Variants in NRXN3 observed in about 807,000 individuals in gnomAD.
The protein encoded by NRXN3 is neurexin 3.
A neutral mutation model predicts 137.6 loss-of-function variants in NRXN3; 32 were observed. The observed-to-expected ratio is 0.23, with a 90% CI of 0.18 to 0.31. The LOEUF is 0.31. NRXN3 is among the 10% of genes least tolerant of loss of function. The pLI is 1.00. For synonymous variants in NRXN3, 798 were observed against 784.5 expected (o/e 1.02, Z -0.29); for missense variants, 1,574 against 2,062.5 (o/e 0.76, Z 4.59).
intron 2 of NRXN3, among the ~76,000 whole-genome samples, chr14:78,259,329 C>T (rs1461775780): frequency 6.6e-6 from 1 of 152,130 alleles, no homozygotes; most frequent in African/African-American, 2.4e-5. Flanking sequence ...AAGTGACTTA[C>T]CCAAGATCAG....
intron 19 of NRXN3, among the ~76,000 whole-genome samples, chr14:79,753,404 G>C (rs1037703836): frequency 6.6e-6 from 1 of 151,896 alleles, no homozygotes; most frequent in Non-Finnish European, 1.5e-5. Flanking sequence ...AAAATGATGA[G>C]TTCATGTCCT....
chr14:79,309,251 G>A (rs1439565593), intron 15 of NRXN3, among the ~76,000 whole-genome samples: 1 of 23,638 alleles, frequency 4.2e-5, no homozygotes, highest in Non-Finnish European at 7.8e-5. Flanking sequence ...TCCCTACAAA[G>A]GACATGAACT....
intron 20 of NRXN3, among the ~76,000 whole-genome samples, chr14:79,827,822 G>A (rs1385287919): frequency 1.3e-5 from 2 of 151,836 alleles, no homozygotes; most frequent in African/African-American, 2.4e-5. Flanking sequence ...AGCCTCCCCA[G>A]TAGCTGGGAT....
intron 19 of NRXN3, among the ~76,000 whole-genome samples, chr14:79,750,841 A>AGTAAAAT (rs2098995116): frequency 1.3e-5 from 2 of 152,164 alleles, no homozygotes; most frequent in Admixed American, 1.3e-4. Flanking sequence ...CCCCCCAAAA[A>AGTAAAAT]GTAAAATGTC....
At chr14:78,714,110 T>C (rs995529530) in intron 7 of NRXN3, among the ~76,000 whole-genome samples, 25 of 152,184 alleles carry the variant, frequency 1.6e-4, no homozygotes, top group African/African-American at 5.8e-4. Flanking sequence ...AGTTAAAATG[T>C]GTCACAGGGA....
rs542929241 is a variant in NRXN3, at chr14:78,316,928, C to T, written c.757+19068C>T. The stretch of plus-strand genomic sequence containing the variant: ...TTTGTAAGTGAGAGAGAGTAACACT[C>T]TTCCTTGACTGTATTAGTCAGGGTT... On this transcript the variant is annotated intron_variant, in intron 4 of 20. Transcript: ENST00000335750. Among the ~76,000 whole-genome samples, 27 of 152,294 alleles carry T rather than the reference C, an allele frequency of 1.8e-4. No individual in the cohort carries two copies. In the East Asian group the frequency reaches 5.2e-3, roughly 29 times the overall value.
intron 15 of NRXN3, among the ~76,000 whole-genome samples, chr14:79,151,265 C>T (rs1309614694): frequency 6.6e-6 from 1 of 151,940 alleles, no homozygotes; most frequent in Admixed American, 6.6e-5. Context: ...AATGGTAAAG[C>T]CTCAAGACTT....
intron 15 of NRXN3, among the ~76,000 whole-genome samples, chr14:79,270,297 C>T (rs562072002): frequency 6.6e-6 from 1 of 152,156 alleles, no homozygotes; most frequent in Admixed American, 6.5e-5. Flanking sequence ...TTTGGAGGTT[C>T]CCCCACCACA....
chr14:78,321,921 T>C (rs1185724422), intron 4 of NRXN3, among the ~76,000 whole-genome samples: 2 of 151,938 alleles, frequency 1.3e-5, no homozygotes, highest in African/African-American at 2.4e-5. Context: ...GTTACCTGAG[T>C]GCAGATGAGG....
chr14:79,503,429 A>G (rs78264908), intron 16 of NRXN3, among the ~76,000 whole-genome samples: 2,446 of 152,232 alleles, frequency 0.016, 39 homozygotes, highest in East Asian at 0.062. Flanking sequence ...ACGTACAGGG[A>G]CCGCGTTACC....
intron 16 of NRXN3, among the ~76,000 whole-genome samples, chr14:79,537,262 T>G (rs1343876242): frequency 6.6e-6 from 1 of 152,148 alleles, no homozygotes; most frequent in Non-Finnish European, 1.5e-5. Context: ...ATGTTTTCTT[T>G]TGAGAAGTGT....
chr14:78,471,342 A>G (rs2095267858), intron 4 of NRXN3, among the ~76,000 whole-genome samples: 1 of 148,064 alleles, frequency 6.8e-6, no homozygotes, highest in African/African-American at 2.5e-5. Flanking sequence ...ACCCCCAAGA[A>G]ATTCACCTCT....
At chr14:78,448,499 G>T (rs1187197974) in intron 4 of NRXN3, among the ~76,000 whole-genome samples, 1 of 152,284 alleles carries the variant, frequency 6.6e-6, no homozygotes, top group South Asian at 2.1e-4. Context: ...GCTAAAACAC[G>T]TTTTTTTCAC....
chr14:78,670,980 G>GC (rs1404189439), intron 6 of NRXN3, among the ~76,000 whole-genome samples: 3 of 152,070 alleles, frequency 2.0e-5, no homozygotes, highest in African/African-American at 7.2e-5. Flanking sequence ...TAGAATATAA[G>GC]CAATAGAGTT....
intron 15 of NRXN3, among the ~76,000 whole-genome samples, chr14:79,258,121 G>C (rs2077048235): frequency 1.3e-5 from 2 of 152,156 alleles, no homozygotes; most frequent in African/African-American, 4.8e-5. Flanking sequence ...CAGTTCAAAT[G>C]ATGTTTTCTT....
intron 10 of NRXN3, among the ~76,000 whole-genome samples, chr14:78,871,784 T>A (rs2099101929): frequency 6.6e-6 from 1 of 152,100 alleles, no homozygotes; most frequent in Non-Finnish European, 1.5e-5. Context: ...TTAGTTAGGT[T>A]TATTCTTTAT....
chr14:79,382,713 A>G (rs10450935), intron 15 of NRXN3, among the ~76,000 whole-genome samples: 48,597 of 152,006 alleles, frequency 0.32, 8,605 homozygotes, highest in Middle Eastern at 0.53. Flanking sequence ...ATAGAGGAGT[A>G]GGCTTACTTT....
At chr14:79,229,687 C>G (rs1460250715) in intron 15 of NRXN3, among the ~76,000 whole-genome samples, 1 of 152,066 alleles carries the variant, frequency 6.6e-6, no homozygotes, top group Non-Finnish European at 1.5e-5. Context: ...CCCAGGAAGC[C>G]AGGACTGCTC....
At chr14:78,231,812 T>G (rs1464055382) in intron 1 of NRXN3, among the ~76,000 whole-genome samples, 1 of 152,176 alleles carries the variant, frequency 6.6e-6, no homozygotes, top group Non-Finnish European at 1.5e-5. Flanking sequence ...CCAGAGCAAG[T>G]GTATTATGAG....
Sources: gnomAD v4.1 joint callset for allele counts (sites outside exome capture counted in the v4.1 genomes callset) on GRCh38, gnomAD v4.1.1 for gene constraint, MANE v1.5 for transcripts, NCBI Gene and HGNC (gene_info 2026-07-23, HGNC 2026-07-21) for gene names.